Variants in MAGI2 observed in about 807,000 individuals in gnomAD.
The protein encoded by MAGI2 is membrane associated guanylate kinase, WW and PDZ domain containing 2.
In MAGI2, 35 loss-of-function variants were observed where a neutral mutation model predicts 133.3. The ratio of observed to expected loss-of-function variants is 0.26; its 90% CI spans 0.20 to 0.35. The LOEUF is 0.35. MAGI2 is among the 10% of genes least tolerant of loss of function. The pLI is 1.00. For synonymous variants in MAGI2, 729 were observed against 710.6 expected (o/e 1.03, Z -0.41); for missense variants, 1,636 against 1,863.4 (o/e 0.88, Z 2.25).
intron 1 of MAGI2, among the ~76,000 whole-genome samples, chr7:79,382,020 T>C (rs957573252): frequency 7.2e-5 from 11 of 151,732 alleles, no homozygotes; most frequent in Admixed American, 6.6e-4. Flanking sequence ...GTCCTGATAC[T>C]GCTGGGGAAT....
chr7:78,055,577 C>A (rs1812482045), intron 21 of MAGI2, among the ~76,000 whole-genome samples: 1 of 152,024 alleles, frequency 6.6e-6, no homozygotes, highest in Non-Finnish European at 1.5e-5. Context: ...ATAAATAAAC[C>A]ACCGACACCT....
At chr7:79,441,390 T>C (rs921536192) in intron 1 of MAGI2, among the ~76,000 whole-genome samples, 4 of 152,220 alleles carry the variant, frequency 2.6e-5, no homozygotes, top group African/African-American at 9.6e-5. Flanking sequence ...AAAGGCATCA[T>C]GGATTTTATA....
chr7:79,135,949 A>T (rs1260596534), intron 1 of MAGI2, among the ~76,000 whole-genome samples: 1 of 19,290 alleles, frequency 5.2e-5, no homozygotes, highest in Non-Finnish European at 4.7e-4. Context: ...GAAAGAAAGA[A>T]AGAAAGAAAG....
intron 1 of MAGI2, among the ~76,000 whole-genome samples, chr7:79,086,993 G>A (rs943968087): frequency 6.6e-6 from 1 of 151,564 alleles, no homozygotes; most frequent in East Asian, 1.9e-4. Context: ...AGAAATAAAA[G>A]AGTTATTTGT....
intron 3 of MAGI2, among the ~76,000 whole-genome samples, chr7:78,572,744 C>A (rs1421503521): frequency 6.6e-6 from 1 of 151,722 alleles, no homozygotes; most frequent in African/African-American, 2.4e-5. Flanking sequence ...CTCACCGCAA[C>A]CTCCGCCTCC....
rs553315100 is a variant in MAGI2, at chr7:78,791,541, CT to C, written c.419-164303del. On this transcript the variant is annotated intron_variant, in intron 2 of 21. Coordinates refer to ENST00000354212, the MANE Select transcript of MAGI2 (RefSeq NM_012301.4). ...TTAATGGCTAACCCTGAGAAACAAT[CT>C]TTTTTTTTTTTTTTTTTGAGATGAA... 7.1e-3 allele frequency among the ~76,000 whole-genome samples: 944 copies of C among 132,968 alleles called. 2 individuals are homozygous for C. The highest frequency in any genetic ancestry group is 0.017 in the South Asian group (69 of 4,168). 87.2% of individuals were successfully genotyped at this position (132,968 alleles called of 152,430 possible).
chr7:78,164,940 GA>G (rs200079112), intron 15 of MAGI2, among the ~76,000 whole-genome samples: 23 of 151,786 alleles, frequency 1.5e-4, no homozygotes, highest in African/African-American at 5.3e-4. Context: ...ATATCCTTGG[GA>G]AAAAAAACAA....
intron 1 of MAGI2, among the ~76,000 whole-genome samples, chr7:79,274,568 ATATAT>A (rs1332957605): frequency 4.5e-5 from 6 of 132,768 alleles, no homozygotes; most frequent in Non-Finnish European, 6.6e-5. Context: ...GGATCCATAT[ATATAT>A]TATATTATAT....
At chr7:79,216,345 A>G (rs1475416791) in intron 1 of MAGI2, among the ~76,000 whole-genome samples, 1 of 151,782 alleles carries the variant, frequency 6.6e-6, no homozygotes, top group Non-Finnish European at 1.5e-5. Context: ...TGCATTCACC[A>G]TCCTTCAAGT....
At chr7:78,043,728 GC>G (rs1241612774) in intron 21 of MAGI2, among the ~76,000 whole-genome samples, 4 of 152,208 alleles carry the variant, frequency 2.6e-5, no homozygotes, top group Non-Finnish European at 4.4e-5. Context: ...AGATTAAGCA[GC>G]TTGCACTTTA....
rs185655582 is a variant in MAGI2 at position 78,496,115 on chromosome 7, T to C, written c.965+5462A>G. 6.1e-3 allele frequency among the ~76,000 whole-genome samples: 935 copies of C among 152,330 alleles called. 6 individuals are homozygous for C. The highest frequency in any genetic ancestry group is 9.3e-3 in the Admixed American group (142 of 15,286). On this transcript the variant is annotated intron_variant, in intron 5 of 21. Coordinates refer to ENST00000354212, the MANE Select transcript of MAGI2 (RefSeq NM_012301.4). ...GTTTAACGTTTTTTGGAAATGGTAA[T>C]TGGTAATTTAATTAAAACTTAAGGA...
chr7:78,173,050 G>T (rs563556992), intron 14 of MAGI2, among the ~76,000 whole-genome samples: 3 of 152,146 alleles, frequency 2.0e-5, no homozygotes, highest in South Asian at 2.1e-4. Flanking sequence ...GGAATAAACC[G>T]GAATAAATCT....
At chr7:79,125,187 C>T (rs961361245) in intron 1 of MAGI2, 2 of 357,322 alleles carry the variant, frequency 5.6e-6, no homozygotes, top group Non-Finnish European at 5.5e-6. Context: ...GTTTTGTAAA[C>T]ACTGACTATG....
chr7:79,007,724 G>C (rs967610793), intron 1 of MAGI2, among the ~76,000 whole-genome samples: 4 of 151,966 alleles, frequency 2.6e-5, no homozygotes, highest in African/African-American at 9.7e-5. Flanking sequence ...TTAAGTTATT[G>C]AAAGTTGCTC....
intron 1 of MAGI2, among the ~76,000 whole-genome samples, chr7:79,148,897 T>C (rs993311993): frequency 2.0e-5 from 3 of 147,258 alleles, no homozygotes; most frequent in Non-Finnish European, 4.5e-5. Context: ...TTTATATATA[T>C]ATGTAATTAT....
chr7:79,144,126 G>T (rs1822395317), intron 1 of MAGI2, among the ~76,000 whole-genome samples: 1 of 152,142 alleles, frequency 6.6e-6, no homozygotes, highest in Non-Finnish European at 1.5e-5. Flanking sequence ...CAAATGAAAT[G>T]TGTTCATAAA....
intron 2 of MAGI2, among the ~76,000 whole-genome samples, chr7:78,695,669 C>A (rs763957024): frequency 5.3e-5 from 8 of 151,908 alleles, no homozygotes; most frequent in Non-Finnish European, 8.8e-5. Context: ...TTAAAAAAGA[C>A]AAACAAACAA....
intron 6 of MAGI2, among the ~76,000 whole-genome samples, chr7:78,476,491 C>T (rs1791762983): frequency 6.6e-6 from 1 of 151,956 alleles, no homozygotes; most frequent in Non-Finnish European, 1.5e-5. Context: ...CCAAGAATTA[C>T]AACTTAGTAG....
At chr7:79,416,908 T>C (rs1419035116) in intron 1 of MAGI2, among the ~76,000 whole-genome samples, 8 of 151,520 alleles carry the variant, frequency 5.3e-5, no homozygotes, top group Non-Finnish European at 1.2e-4. Context: ...AAAATTTTTG[T>C]ATTTTAGTAG....
Sources: gnomAD v4.1 joint callset for allele counts (sites outside exome capture counted in the v4.1 genomes callset) on GRCh38, gnomAD v4.1.1 for gene constraint, MANE v1.5 for transcripts, NCBI Gene and HGNC (gene_info 2026-07-23, HGNC 2026-07-21) for gene names.